NCOA1: variants seen among roughly 807,000 people sequenced by gnomAD.
NCOA1 encodes nuclear receptor coactivator 1.
In NCOA1, 35 loss-of-function variants were observed where a neutral mutation model predicts 150.9. The ratio of observed to expected loss-of-function variants is 0.23; its 90% CI spans 0.18 to 0.31. The LOEUF is 0.31. Among genes scored for constraint, NCOA1 ranks in the 10% least tolerant of loss-of-function variants. The probability of loss-of-function intolerance (pLI) is 1.00; values close to 1 mark genes in which losing one functional copy is unlikely to be tolerated. For synonymous variants in NCOA1, 590 were observed against 630.0 expected (o/e 0.94, Z 0.95); for missense variants, 1,491 against 1,749.3 (o/e 0.85, Z 2.63).
At chr2:24,727,738 G>A (rs922629242) in intron 15 of NCOA1, among the ~76,000 whole-genome samples, 1 of 152,192 alleles carries the variant, frequency 6.6e-6, no homozygotes, top group Non-Finnish European at 1.5e-5. Flanking sequence ...TTTCCTACAT[G>A]TAATCAGTGA....
intron 1 of NCOA1, among the ~76,000 whole-genome samples, chr2:24,538,191 G>A (rs1397719025): frequency 6.6e-6 from 1 of 152,084 alleles, no homozygotes; most frequent in African/African-American, 2.4e-5. Flanking sequence ...CAGGTTTATG[G>A]CCTGAAATGA....
At position 24,758,147 on chromosome 2, in the gene NCOA1, C is replaced by T; in HGVS notation, c.4056C>T (p.Cys1352=). 6.2e-7 allele frequency: 1 copy of T among 1,610,934 alleles called. No homozygotes were observed. The highest frequency in any genetic ancestry group is 2.2e-5 in the East Asian group (1 of 44,778). The stretch of plus-strand genomic sequence containing the variant: ...AGATGCCAGGAATGAACACTGTGTG[C>T]CCTGAGCAGGTAAGTGGCACACTCG... The part of the protein sequence containing the change: ...SLQMPGMNTV[C]PEQINDPALR... Residue 1352 remains cysteine (C), a synonymous_variant, in exon 21 of 23, where the codon TGC becomes TGT. Coordinates refer to ENST00000348332, the MANE Select transcript of NCOA1 (RefSeq NM_003743.5).
chr2:24,546,997 G>GTC (rs1665630076), intron 1 of NCOA1, among the ~76,000 whole-genome samples: 1 of 152,190 alleles, frequency 6.6e-6, no homozygotes, highest in Non-Finnish European at 1.5e-5. Context: ...GTCAGAGCAA[G>GTC]TCACAAGGCC....
At chr2:24,665,633 T>C in intron 5 of NCOA1, 116 bp from the exon 6 acceptor site, 1 of 877,234 alleles carries the variant, frequency 1.1e-6, no homozygotes, top group Non-Finnish European at 1.5e-6. Flanking sequence ...CTAAATCTGG[T>C]TTTATATTTT....
intron 22 of NCOA1, among the ~76,000 whole-genome samples, chr2:24,764,460 C>G (rs1414422758): frequency 6.6e-6 from 1 of 152,062 alleles, no homozygotes; most frequent in Non-Finnish European, 1.5e-5. Flanking sequence ...CTGAGCTGAG[C>G]CTTGAAGGAC....
At chr2:24,556,419 A>T (rs866854167) in intron 1 of NCOA1, among the ~76,000 whole-genome samples, 2 of 152,312 alleles carry the variant, frequency 1.3e-5, no homozygotes. Flanking sequence ...ATGATTCCAC[A>T]TCTTTGCTAT....
chr2:24,632,186 T>C (rs1338320574), intron 3 of NCOA1, among the ~76,000 whole-genome samples: 5 of 152,094 alleles, frequency 3.3e-5, no homozygotes, highest in Admixed American at 3.3e-4. Context: ...TGACAAAATT[T>C]TTGAAGGGGT....
chr2:24,657,224 G>GACAGCAAA, intron 4 of NCOA1, among the ~76,000 whole-genome samples: 1 of 152,146 alleles, frequency 6.6e-6, no homozygotes, highest in South Asian at 2.1e-4. Flanking sequence ...CTTAAGCAGG[G>GACAGCAAA]ATGCTTTTGC....
At chr2:24,567,076 C>T (rs1037742320) in intron 2 of NCOA1, among the ~76,000 whole-genome samples, 6 of 152,190 alleles carry the variant, frequency 3.9e-5, no homozygotes, top group Non-Finnish European at 8.8e-5. Context: ...TCTAGATGGG[C>T]CGCTGCTGCC....
At chr2:24,689,221 A>T (rs565849729) in intron 8 of NCOA1, among the ~76,000 whole-genome samples, 1 of 152,084 alleles carries the variant, frequency 6.6e-6, no homozygotes, top group Non-Finnish European at 1.5e-5. Flanking sequence ...TTGGTTCCAT[A>T]TGAATTTTGA....
chr2:24,540,382 T>G (rs1397011645), intron 1 of NCOA1, among the ~76,000 whole-genome samples: 1 of 152,098 alleles, frequency 6.6e-6, no homozygotes, highest in African/African-American at 2.4e-5. Flanking sequence ...AAAAATATAG[T>G]TGTTGAAATG....
intron 3 of NCOA1, among the ~76,000 whole-genome samples, chr2:24,587,937 T>G (rs1667485834): frequency 6.6e-6 from 1 of 152,194 alleles, no homozygotes; most frequent in African/African-American, 2.4e-5. Flanking sequence ...TGATAGCCCT[T>G]GAAATCTTGG....
At chr2:24,666,843 G>A (rs912420804) in intron 6 of NCOA1, among the ~76,000 whole-genome samples, 5 of 152,030 alleles carry the variant, frequency 3.3e-5, no homozygotes, top group Admixed American at 2.0e-4. Flanking sequence ...ATGTTGGCCA[G>A]GCTGGTGTAT....
chr2:24,527,247 A>G (rs1019014407), intron 1 of NCOA1, among the ~76,000 whole-genome samples: 6 of 152,280 alleles, frequency 3.9e-5, no homozygotes, highest in Non-Finnish European at 7.4e-5. Context: ...CTGATGTTGT[A>G]CATTAGATCT....
chr2:24,705,044 A>T, intron 11 of NCOA1, 42 bp from the exon 12 acceptor site: 1 of 1,594,440 alleles, frequency 6.3e-7, no homozygotes, highest in Non-Finnish European at 8.6e-7. Context: ...CCAGCGTATA[A>T]GTATCAGAAT....
At chr2:24,516,477 C>T (rs1664169562) in intron 1 of NCOA1, among the ~76,000 whole-genome samples, 1 of 151,368 alleles carries the variant, frequency 6.6e-6, no homozygotes, top group Non-Finnish European at 1.5e-5. Flanking sequence ...CAGGCATGAG[C>T]CACCGTGCCC....
rs55679155 is a variant in NCOA1, at chr2:24,588,240, A to G, written c.-175+3680A>G. 6.2e-3 allele frequency among the ~76,000 whole-genome samples: 945 copies of G among 152,198 alleles called. 13 individuals carry two copies. The highest frequency in any genetic ancestry group is 0.021 in the African/African-American group (868 of 41,534). ...GCTGGGACTACAGGTGCTCGCCACC[A>G]TACCCATTAATTTTTCTGTTTTTGT... On this transcript the variant is annotated intron_variant, in intron 3 of 22. Transcript: ENST00000348332.
intron 3 of NCOA1, among the ~76,000 whole-genome samples, chr2:24,622,220 T>C (rs1669200597): frequency 6.6e-6 from 1 of 152,162 alleles, no homozygotes; most frequent in Non-Finnish European, 1.5e-5. Context: ...GTAGCCACAA[T>C]GGTAAAAAAT....
At chr2:24,721,526 A>G (rs1457531011) in intron 14 of NCOA1, among the ~76,000 whole-genome samples, 2 of 152,186 alleles carry the variant, frequency 1.3e-5, no homozygotes, top group African/African-American at 2.4e-5. Context: ...CCTACTTCTC[A>G]GTTGTTGTGA....
Sources: allele counts gnomAD v4.1 joint callset (sites outside exome capture counted in the v4.1 genomes callset), GRCh38; gene constraint gnomAD v4.1.1; transcripts MANE v1.5; gene names NCBI Gene and HGNC (gene_info 2026-07-23, HGNC 2026-07-21).